The following APC variants were observed in gnomAD, a reference collection of about 807,000 sequenced individuals.
The protein encoded by APC is APC regulator of Wnt signaling pathway.
A neutral mutation model predicts 247.0 loss-of-function variants in APC; 72 were observed. The ratio of observed to expected loss-of-function variants is 0.29; its 90% CI spans 0.24 to 0.35. The LOEUF (loss-of-function observed/expected upper bound fraction) is 0.35. APC is among the 10% of genes least tolerant of loss of function. The pLI is 1.00. For synonymous variants in APC, 1,254 were observed against 1,162.5 expected, an observed-to-expected ratio of 1.08 and a Z score of -1.60; for missense variants, 3,400 against 3,360.7, an observed-to-expected ratio of 1.01 and a Z score of -0.29.
intron 8 of APC, 122 bp from the exon 9 acceptor site, chr5:112,815,373 T>C: frequency 1.4e-6 from 1 of 692,566 alleles, no homozygotes; most frequent in Non-Finnish European, 2.6e-6. Context: ...ATAATGGTCA[T>C]ACTTTTATGA....
chr5:112,728,154 GTC>G (rs1211474162), intron 1 of APC, among the ~76,000 whole-genome samples: 2 of 151,794 alleles, frequency 1.3e-5, no homozygotes, highest in East Asian at 1.9e-4. Context: ...TTGAGACAGA[GTC>G]TCTCTCTGTT....
chr5:112,717,908 C>CTTTTTTTTTTT lies in APC; in HGVS notation c.165+10045_165+10055dup. The stretch of plus-strand genomic sequence containing the variant: ...CTCTTTTCTTTTTCTTTTTCTTTTT[C>CTTTTTTTTTTT]TTTTTTTTTTTTTTTTTTTTTTTTT... On this transcript the variant is annotated intron_variant, in intron 1 of 13. Coordinates refer to the APC transcript ENST00000507379. Among the ~76,000 whole-genome samples the CTTTTTTTTTTT allele has an allele frequency of 8.0e-3, 324 of 40,676 alleles. 52 individuals are homozygous for CTTTTTTTTTTT. Among genetic ancestry groups the CTTTTTTTTTTT allele is most frequent in the African/African-American group, 0.016 (187 of 11,358 alleles). The allele number at this position is 40,676 out of a possible 152,430, so 26.7% of individuals were successfully genotyped here. A position where few individuals can be genotyped will look rare whatever the true frequency, so the allele number is the denominator to read the frequency against.
intron 14 of APC, chr5:112,829,387 C>T (rs934032758): frequency 9.0e-5 from 17 of 188,050 alleles, no homozygotes; most frequent in Admixed American, 1.6e-4. Context: ...CTGCCCAACT[C>T]GGCCTCCCAA....
intron 14 of APC, among the ~76,000 whole-genome samples, chr5:112,832,234 A>G (rs539394977): frequency 2.0e-5 from 3 of 152,048 alleles, no homozygotes; most frequent in African/African-American, 4.8e-5. Context: ...GTATTTTTCT[A>G]CCTTCAACTC....
chr5:112,838,544 G>A lies in APC; in HGVS notation c.2950G>A (p.Glu984Lys), dbSNP rs1254176854. The A allele has an allele frequency of 1.2e-6, 2 of 1,614,180 alleles. No individual in the cohort carries two copies. The highest frequency in any genetic ancestry group is 1.1e-5 in the South Asian group (1 of 91,072). The change falls in exon 16 of 16, where the codon GAA (glutamate) becomes AAA (lysine). Residue 984 changes from glutamate to lysine, a missense_variant. Glu to Lys is a moderately conservative substitution (Grantham distance 56). Around this residue, in one of 9 missense-constraint regions of APC, gnomAD observed 715 missense variants for 656.6 expected, o/e 1.09. Transcript: ENST00000257430. ...GKRGQMKPSI[E>K]SYSEDDESKF... is the part of the protein sequence containing the mutation. ...AAGAGGTCAAATGAAACCCTCGATT[G>A]AATCCTATTCTGAAGATGATGAAAG... is the stretch of plus-strand genomic sequence containing the variant.
chr5:112,775,099 G>C (rs1327638050), intron 4 of APC, among the ~76,000 whole-genome samples: 2 of 152,256 alleles, frequency 1.3e-5, no homozygotes, highest in Non-Finnish European at 2.9e-5. Flanking sequence ...TTGGTGTTCA[G>C]ATTCCAAACT....
chr5:112,749,973 T>A (rs1272376843), intron 1 of APC, among the ~76,000 whole-genome samples: 1 of 148,322 alleles, frequency 6.7e-6, no homozygotes, highest in Non-Finnish European at 1.5e-5. Context: ...TTTTTGTTTT[T>A]TTTTTTTGAG....
upstream of APC, among the ~76,000 whole-genome samples, chr5:112,734,087 C>T (rs1005938545): frequency 4.6e-5 from 7 of 152,094 alleles, no homozygotes; most frequent in East Asian, 1.9e-4. Context: ...CAGCACCTTG[C>T]GAGGCCAAGG....
In APC at chr5:112,752,028, A is replaced by G. The variant is rs146752169; in HGVS notation, c.-18-2845A>G. Reference sequence around the variant, plus strand: ...TGTTAAATGATATAATTAATTTTCTAATAGTGACTTTTTCATTGTAAATTA... The same window carrying G: ...TGTTAAATGATATAATTAATTTTCTGATAGTGACTTTTTCATTGTAAATTA... On this transcript the variant is annotated intron_variant, in intron 1 of 15. Coordinates refer to ENST00000257430, the MANE Select transcript of APC (RefSeq NM_000038.6). Among the ~76,000 whole-genome samples, 924 of 152,156 alleles carry G rather than the reference A, an allele frequency of 6.1e-3. 7 individuals are homozygous for G. The highest frequency in any genetic ancestry group is 0.01 in the Middle Eastern group (3 of 294).
intron 12 of APC, 118 bp from the exon 13 acceptor site, chr5:112,827,811 G>GTAT (rs1763856315): frequency 1.3e-6 from 1 of 769,218 alleles, no homozygotes; most frequent in Non-Finnish European, 2.2e-6. Flanking sequence ...TATGAGTGAA[G>GTAT]TATCAGTTAT....
At chr5:112,775,836 G>C (rs1404795685) in intron 5 of APC, 99 bp downstream of exon 5, 2 of 681,556 alleles carry the variant, frequency 2.9e-6, no homozygotes, top group African/African-American at 3.6e-5. Context: ...TGAATTTATA[G>C]TTATTTGTAA....
chr5:112,737,828 G>A, upstream of APC: 1 of 985,524 alleles, frequency 1.0e-6, no homozygotes, highest in Non-Finnish European at 1.2e-6. Context: ...CCGATTGGCT[G>A]GGTGTGGGCG....
chr5:112,727,374 T>C (rs1429185840), intron 1 of APC, among the ~76,000 whole-genome samples: 1 of 152,184 alleles, frequency 6.6e-6, no homozygotes, highest in Non-Finnish European at 1.5e-5. Context: ...TTATTAAATA[T>C]GATATTTTAA....
chr5:112,724,594 A>G (rs748466368), intron 1 of APC, among the ~76,000 whole-genome samples: 4 of 125,192 alleles, frequency 3.2e-5, no homozygotes, highest in South Asian at 2.9e-4. Flanking sequence ...ACAGGGATCT[A>G]TGGAAGCATT....
chr5:112,735,647 A>G (rs1338707665), upstream of APC, among the ~76,000 whole-genome samples: 1 of 152,048 alleles, frequency 6.6e-6, no homozygotes, highest in East Asian at 1.9e-4. Context: ...GGCCCAGTAT[A>G]CTTTGATTAT....
intron 8 of APC, chr5:112,810,284 C>A: frequency 2.9e-6 from 1 of 347,882 alleles, no homozygotes; most frequent in Non-Finnish European, 5.6e-6. Context: ...GATGTCACAG[C>A]AAAAGGTGGC....
chr5:112,726,262 T>A (rs984444762), intron 1 of APC, among the ~76,000 whole-genome samples: 1 of 152,182 alleles, frequency 6.6e-6, no homozygotes, highest in Non-Finnish European at 1.5e-5. Context: ...CCAGGAAGAT[T>A]CAGGTTGTAC....
intron 1 of APC, among the ~76,000 whole-genome samples, chr5:112,742,076 A>G (rs1341068471): frequency 2.6e-5 from 4 of 152,172 alleles, no homozygotes; most frequent in Admixed American, 6.5e-5. Context: ...TAATGCTACT[A>G]TGAACGTGGG....
chr5:112,806,045 C>T (rs922750201), intron 8 of APC, among the ~76,000 whole-genome samples: 2 of 152,160 alleles, frequency 1.3e-5, no homozygotes, highest in Non-Finnish European at 2.9e-5. Flanking sequence ...ATTTACTGGG[C>T]CTTCTCCTAC....
Sources: gnomAD v4.1 joint callset for allele counts (sites outside exome capture counted in the v4.1 genomes callset) on GRCh38, gnomAD v4.1.1 for gene constraint, gnomAD v4.1.1 regional missense constraint, MANE v1.5 for transcripts, NCBI Gene and HGNC (gene_info 2026-07-23, HGNC 2026-07-21) for gene names.